The following CYP39A1 variants were observed in gnomAD, a reference collection of about 807,000 sequenced individuals.
CYP39A1 encodes the protein cytochrome P450 family 39 subfamily A member 1.
A neutral mutation model predicts 58.1 loss-of-function variants in CYP39A1; 49 were observed. The observed-to-expected ratio is 0.84, with a 90% CI of 0.67 to 1.07. The LOEUF (loss-of-function observed/expected upper bound fraction) is 1.07, where lower values mean the gene tolerates loss of function less well. Among genes scored for constraint, CYP39A1 ranks in the 50% least tolerant of loss-of-function variants. The probability of loss-of-function intolerance (pLI) is 0.00; values close to 1 mark genes in which losing one functional copy is unlikely to be tolerated. For synonymous variants in CYP39A1, 209 were observed against 187.6 expected, an observed-to-expected ratio of 1.11 and a Z score of -0.93; for missense variants, 531 against 539.4, an observed-to-expected ratio of 0.98 and a Z score of 0.16.
chr6:46,615,838 C>T (rs1774500741), intron 7 of CYP39A1, among the ~76,000 whole-genome samples: 1 of 151,952 alleles, frequency 6.6e-6, no homozygotes, highest in Non-Finnish European at 1.5e-5. Context: ...TGTCTCTGAC[C>T]CCAATCAGCT....
chr6:46,559,009 A>T (rs1258525213), intron 10 of CYP39A1, among the ~76,000 whole-genome samples: 2 of 152,058 alleles, frequency 1.3e-5, no homozygotes, highest in Non-Finnish European at 2.9e-5. Context: ...AAAAAAAAAA[A>T]AAAAAGGTGA....
At chr6:46,595,918 A>T in intron 8 of CYP39A1, 69 bp downstream of exon 8, 2 of 1,450,864 alleles carry the variant, frequency 1.4e-6, no homozygotes, top group Non-Finnish European at 9.4e-7. Context: ...AACCTGAAAA[A>T]TATATGTGGG....
chr6:46,638,090 GACAGATTCTCTTGGGAAAAAGTC>G, intron 3 of CYP39A1, 112 bp from the exon 4 acceptor site: 1 of 1,064,188 alleles, frequency 9.4e-7, no homozygotes, highest in Non-Finnish European at 1.3e-6. Flanking sequence ...GATAATAGGT[GACAGATTCTCTTGGGAAAAAGTC>G]ACTCTTAAGA....
At chr6:46,558,957 C>T (rs1770816807) in intron 10 of CYP39A1, among the ~76,000 whole-genome samples, 1 of 145,246 alleles carries the variant, frequency 6.9e-6, no homozygotes, top group African/African-American at 2.6e-5. Context: ...GATCGCGCCA[C>T]TGCGCTCCAA....
intron 5 of CYP39A1, among the ~76,000 whole-genome samples, chr6:46,634,729 C>T (rs1192659060): frequency 6.6e-6 from 1 of 152,010 alleles, no homozygotes; most frequent in African/African-American, 2.4e-5. Context: ...ACCATGTTCG[C>T]CAGGCTGATC....
At chr6:46,624,601 T>C (rs551876997) in intron 7 of CYP39A1, among the ~76,000 whole-genome samples, 2 of 152,288 alleles carry the variant, frequency 1.3e-5, no homozygotes, top group South Asian at 4.1e-4. Flanking sequence ...TCAGTAATCA[T>C]GGAAGGGAGA....
Position 46,595,983 on chromosome 6 carries a change from T to G in CYP39A1, c.1065+4A>C. ...GATTCATTTAAAACCAAACCAAAGC[T>G]TACCAAAATTTCCACAGGCTTCACC... On this transcript the variant is annotated splice_donor_region_variant and intron_variant, in intron 8 of 11. Coordinates refer to ENST00000275016, the MANE Select transcript of CYP39A1 (RefSeq NM_016593.5). 6.2e-7 allele frequency: 1 copy of G among 1,607,250 alleles called. No individual in the cohort carries two copies.
intron 11 of CYP39A1, 106 bp from the exon 12 acceptor site, chr6:46,550,543 G>A: frequency 1.0e-6 from 1 of 977,238 alleles, no homozygotes; most frequent in Non-Finnish European, 1.5e-6. Context: ...ACAAAATTTA[G>A]GTTTTTCAAG....
At chr6:46,607,688 AG>A (rs1406399045) in intron 7 of CYP39A1, among the ~76,000 whole-genome samples, 3 of 152,222 alleles carry the variant, frequency 2.0e-5, no homozygotes, top group Admixed American at 2.0e-4. Flanking sequence ...AGACTGAACC[AG>A]AAGGTGGGGT....
intron 7 of CYP39A1, among the ~76,000 whole-genome samples, chr6:46,613,333 C>T (rs1480505832): frequency 6.6e-6 from 1 of 152,166 alleles, no homozygotes; most frequent in African/African-American, 2.4e-5. Context: ...TGTTGATTGG[C>T]TCTGAGCAAG....
chr6:46,645,111 C>T (rs574409332), intron 1 of CYP39A1, among the ~76,000 whole-genome samples: 1 of 152,188 alleles, frequency 6.6e-6, no homozygotes, highest in East Asian at 1.9e-4. Context: ...TTTTAATGAG[C>T]TCTTTTACAG....
At chr6:46,578,529 C>T (rs1771962451) in intron 10 of CYP39A1, among the ~76,000 whole-genome samples, 1 of 151,564 alleles carries the variant, frequency 6.6e-6, no homozygotes, top group Admixed American at 6.6e-5. Flanking sequence ...GATTCATAGA[C>T]CACCAGCTAG....
chr6:46,645,232 T>C (rs575108094), intron 1 of CYP39A1, among the ~76,000 whole-genome samples: 71 of 152,312 alleles, frequency 4.7e-4, no homozygotes, highest in African/African-American at 8.2e-4. Context: ...TAGGAAGATA[T>C]TCTTCTATAT....
At chr6:46,560,792 G>A (rs936838286) in intron 10 of CYP39A1, among the ~76,000 whole-genome samples, 9 of 151,946 alleles carry the variant, frequency 5.9e-5, no homozygotes, top group East Asian at 1.9e-4. Context: ...AAAAATCTAC[G>A]GAAGGAGCCC....
intron 10 of CYP39A1, 147 bp downstream of exon 10, chr6:46,586,930 C>A (rs1007429454): frequency 1.6e-6 from 1 of 644,496 alleles, no homozygotes; most frequent in Non-Finnish European, 2.7e-6. Flanking sequence ...TGCACAGGAC[C>A]ACAGATAAAC....
At chr6:46,569,631 T>G (rs539637285) in intron 10 of CYP39A1, among the ~76,000 whole-genome samples, 24 of 152,228 alleles carry the variant, frequency 1.6e-4, no homozygotes, top group African/African-American at 5.5e-4. Flanking sequence ...GATATAATCA[T>G]ATAATTTTTG....
intron 10 of CYP39A1, among the ~76,000 whole-genome samples, chr6:46,570,296 CT>C (rs774122099): frequency 2.6e-5 from 4 of 151,968 alleles, no homozygotes; most frequent in Non-Finnish European, 4.4e-5. Context: ...TTTTTGTTGA[CT>C]TTTTAAATTG....
At chr6:46,564,984 A>G (rs1284101011) in intron 10 of CYP39A1, among the ~76,000 whole-genome samples, 1 of 152,204 alleles carries the variant, frequency 6.6e-6, no homozygotes, top group African/African-American at 2.4e-5. Context: ...TAAAATCAAT[A>G]TGGTAGCAGG....
intron 8 of CYP39A1, among the ~76,000 whole-genome samples, chr6:46,592,351 T>C (rs747362316): frequency 1.3e-5 from 2 of 152,266 alleles, no homozygotes; most frequent in Non-Finnish European, 2.9e-5. Context: ...CCATGTGAAA[T>C]GTGTTTTAAA....
Sources: allele counts gnomAD v4.1 joint callset (sites outside exome capture counted in the v4.1 genomes callset), GRCh38; gene constraint gnomAD v4.1.1; transcripts MANE v1.5; gene names NCBI Gene and HGNC (gene_info 2026-07-23, HGNC 2026-07-21).